DOK6: variants seen among roughly 807,000 people sequenced by gnomAD.
DOK6 encodes the protein docking protein 6, also known as downstream of tyrosine kinase 6.
DOK6 carries 22 observed loss-of-function variants against 44.0 expected under a neutral mutation model. That is an observed-to-expected ratio of 0.50 (90% confidence interval 0.36 to 0.71). The LOEUF is 0.71. Ranked by LOEUF, DOK6 falls within the 30% of genes least tolerant of loss-of-function variation. DOK6 has a pLI of 0.00. For synonymous variants in DOK6, 166 were observed against 145.5 expected, an observed-to-expected ratio of 1.14 and a Z score of -1.01; for missense variants, 340 against 416.4, an observed-to-expected ratio of 0.82 and a Z score of 1.60.
At chr18:69,603,839 A>T (rs1983934844) in intron 3 of DOK6, among the ~76,000 whole-genome samples, 1 of 151,868 alleles carries the variant, frequency 6.6e-6, no homozygotes, top group Non-Finnish European at 1.5e-5. Context: ...TTGAGCCAAA[A>T]AGTTGACATT....
intron 3 of DOK6, among the ~76,000 whole-genome samples, chr18:69,629,827 G>C (rs1312843484): frequency 2.0e-5 from 3 of 152,066 alleles, no homozygotes; most frequent in Admixed American, 6.6e-5. Context: ...ATAGAGTCTG[G>C]CTGTCCAGGC....
intron 1 of DOK6, among the ~76,000 whole-genome samples, chr18:69,459,190 TGTG>T (rs1568264940): frequency 2.0e-3 from 4 of 1,994 alleles, no homozygotes; most frequent in Non-Finnish European, 7.1e-3. Flanking sequence ...AAATATTTTG[TGTG>T]TGTGTGTGTG....
At chr18:69,776,100 A>G (rs574291919) in intron 7 of DOK6, among the ~76,000 whole-genome samples, 1 of 152,156 alleles carries the variant, frequency 6.6e-6, no homozygotes, top group African/African-American at 2.4e-5. Context: ...TGACAATTAT[A>G]ATGAGACTTT....
At chr18:69,527,112 G>A (rs969309659) in intron 1 of DOK6, among the ~76,000 whole-genome samples, 7 of 152,112 alleles carry the variant, frequency 4.6e-5, no homozygotes, top group Non-Finnish European at 1.0e-4. Flanking sequence ...CAACTTTATC[G>A]ATTAGATTCA....
chr18:69,690,268 T>C (rs1986236655), intron 4 of DOK6, among the ~76,000 whole-genome samples: 1 of 152,152 alleles, frequency 6.6e-6, no homozygotes, highest in African/African-American at 2.4e-5. Context: ...ACTGAGCAGA[T>C]GGCACCTAGC....
intron 3 of DOK6, among the ~76,000 whole-genome samples, chr18:69,649,522 A>G (rs1428709993): frequency 6.6e-6 from 1 of 152,176 alleles, no homozygotes; most frequent in Non-Finnish European, 1.5e-5. Flanking sequence ...ATCAGCCTCA[A>G]TAGATGTTCC....
chr18:69,504,309 A>G (rs988888014), intron 1 of DOK6, among the ~76,000 whole-genome samples: 14 of 151,450 alleles, frequency 9.2e-5, no homozygotes, highest in African/African-American at 2.2e-4. Context: ...AACTACCCCT[A>G]TTCTATCTGA....
rs558725780 is a variant in DOK6, at chr18:69,802,236, A to G, written c.857-39008A>G. ...TTTCTCCTGGTAAAGAGTGCCCACA[A>G]CAAATAAATATACATAGTGTCTGAT... On this transcript the variant is annotated intron_variant, in intron 7 of 7. Transcript: ENST00000382713. 2.6e-5 allele frequency among the ~76,000 whole-genome samples: 4 copies of G among 152,300 alleles called. No individual in the cohort carries two copies. The South Asian group carries it at 8.3e-4, about 32-fold the overall frequency.
chr18:69,438,817 T>A (rs1278558184), intron 1 of DOK6, among the ~76,000 whole-genome samples: 3 of 152,210 alleles, frequency 2.0e-5, no homozygotes, highest in Non-Finnish European at 4.4e-5. Context: ...ACGCCTATAA[T>A]GCTAGCACTT....
At chr18:69,753,957 CAT>C (rs1979270549) in intron 6 of DOK6, among the ~76,000 whole-genome samples, 1 of 150,314 alleles carries the variant, frequency 6.7e-6, no homozygotes, top group Non-Finnish European at 1.5e-5. Context: ...AATCTCATAA[CAT>C]AATTTTTTAT....
chr18:69,454,860 G>T (rs1979577909), intron 1 of DOK6, among the ~76,000 whole-genome samples: 1 of 143,458 alleles, frequency 7.0e-6, no homozygotes, highest in East Asian at 2.1e-4. Context: ...ATTGAACAAT[G>T]AGATCACATG....
At chr18:69,837,757 A>G (rs1982094367) in intron 7 of DOK6, among the ~76,000 whole-genome samples, 1 of 152,204 alleles carries the variant, frequency 6.6e-6, no homozygotes, top group African/African-American at 2.4e-5. Flanking sequence ...GGAAGAACTC[A>G]TGTCTGTCTG....
At chr18:69,586,914 A>G (rs1568304308) in intron 2 of DOK6, among the ~76,000 whole-genome samples, 1 of 152,218 alleles carries the variant, frequency 6.6e-6, no homozygotes, top group African/African-American at 2.4e-5. Flanking sequence ...GCAATCAAAA[A>G]TAAATAATAA....
At chr18:69,471,250 C>CAAA (rs71176969) in intron 1 of DOK6, among the ~76,000 whole-genome samples, 3,003 of 27,688 alleles carry the variant, frequency 0.11, 268 homozygotes, top group Middle Eastern at 0.2. Context: ...AACTCCATCT[C>CAAA]AAAAAAAAAA....
chr18:69,613,018 G>A lies in DOK6; in HGVS notation c.289+13520G>A, dbSNP rs957704421. On this transcript the variant is annotated intron_variant, in intron 3 of 7. Coordinates refer to ENST00000382713, the MANE Select transcript of DOK6 (RefSeq NM_152721.6). ...CACCTGAAGCTGGGACTACAGCTGTGTGCCACCATGCCCGGCTAATTTTTG... is the reference window on the plus strand; with the variant it reads ...CACCTGAAGCTGGGACTACAGCTGTATGCCACCATGCCCGGCTAATTTTTG... Among the ~76,000 whole-genome samples the A allele has an allele frequency of 5.3e-5, 8 of 151,848 alleles. No homozygotes were observed. The South Asian group carries it at 1.7e-3, about 32-fold the overall frequency.
At chr18:69,547,327 C>T (rs1179716940) in intron 1 of DOK6, among the ~76,000 whole-genome samples, 1 of 151,538 alleles carries the variant, frequency 6.6e-6, no homozygotes, top group Non-Finnish European at 1.5e-5. Context: ...TCTCGAACTC[C>T]TGACCTCGTG....
intron 1 of DOK6, among the ~76,000 whole-genome samples, chr18:69,467,976 A>G (rs1055405882): frequency 3.3e-5 from 5 of 152,284 alleles, no homozygotes; most frequent in East Asian, 1.9e-4. Context: ...GAAAAGCACT[A>G]TGCCATGCAA....
At chr18:69,745,582 G>A (rs1978958978) in intron 6 of DOK6, among the ~76,000 whole-genome samples, 1 of 152,176 alleles carries the variant, frequency 6.6e-6, no homozygotes, top group Admixed American at 6.5e-5. Flanking sequence ...TCAGTTCCTG[G>A]GATGTGTTCA....
chr18:69,586,854 C>T (rs1489932223), intron 2 of DOK6, among the ~76,000 whole-genome samples: 1 of 152,148 alleles, frequency 6.6e-6, no homozygotes, highest in African/African-American at 2.4e-5. Context: ...CCATCAATCA[C>T]CTGCCCAGCC....
Sources: gnomAD v4.1 joint callset for allele counts (sites outside exome capture counted in the v4.1 genomes callset) on GRCh38, gnomAD v4.1.1 for gene constraint, MANE v1.5 for transcripts, NCBI Gene and HGNC (gene_info 2026-07-23, HGNC 2026-07-21) for gene names.